The following GRIN2D variants were observed in gnomAD, a reference collection of about 807,000 sequenced individuals.
GRIN2D encodes glutamate receptor ionotropic, NMDA 2D.
A neutral mutation model predicts 103.2 loss-of-function variants in GRIN2D; 37 were observed. That is an observed-to-expected ratio of 0.36 (90% CI 0.28 to 0.47). The LOEUF is 0.47. Among genes scored for constraint, GRIN2D ranks in the 20% least tolerant of loss-of-function variants. GRIN2D has a pLI of 1.00. For synonymous variants in GRIN2D, 845 were observed against 885.6 expected (o/e 0.95, Z 0.81); for missense variants, 1,557 against 1,910.6 (o/e 0.81, Z 3.45).
chr19:48,442,172 G>T lies in GRIN2D; in HGVS notation c.2463G>T (p.Arg821=), dbSNP rs752674141. ...LGDDEIEMLE[R]LWLSGICHND... is the part of the protein sequence containing the mutation. ...TAGATGAGATCGAGATGCTGGAGCG[G>T]CTGTGGCTCTCTGGGATCTGCCACA... is the stretch of plus-strand genomic sequence containing the variant. The change falls in exon 13 of 14, where the codon CGG becomes CGT. Residue 821 remains arginine, a synonymous_variant. Coordinates refer to ENST00000263269, the MANE Select transcript of GRIN2D (RefSeq NM_000836.4). The surrounding 1 kb of genome is among the most constrained non-coding windows in gnomAD (Gnocchi z 7.2). 1.2e-6 allele frequency: 2 copies of T among 1,614,134 alleles called. No homozygotes were observed. The highest frequency in any genetic ancestry group is 3.3e-5 in the Admixed American group (2 of 60,030).
rs1449186193 is a variant in GRIN2D at position 48,444,885 on chromosome 19, T to C, written c.*948T>C. On this transcript the variant is annotated 3_prime_UTR_variant, in exon 14 of 14. Transcript: ENST00000263269. The surrounding 1 kb of genome is among the most constrained non-coding windows in gnomAD (Gnocchi z 5.5). ...ACCAACTTCCCTTCCCACTCTCTTA[T>C]TCCACATTGCAGTGTTTGGAATAAA... is the stretch of plus-strand genomic sequence containing the variant. 4.6e-5 allele frequency: 7 copies of C among 152,298 alleles called. No individual in the cohort carries two copies. The highest frequency in any genetic ancestry group is 8.8e-5 in the Non-Finnish European group (6 of 68,120). The allele number at this position is 152,298 out of a possible 1,614,324, so 9.4% of individuals were successfully genotyped here.
chr19:48,424,944 T>TCC (rs1156720286), intron 11 of GRIN2D, among the ~76,000 whole-genome samples: 1 of 151,758 alleles, frequency 6.6e-6, no homozygotes, highest in African/African-American at 2.4e-5. Context: ...GACTCATCTC[T>TCC]CCCCCTTCCC....
intron 11 of GRIN2D, among the ~76,000 whole-genome samples, chr19:48,433,546 TA>T (rs1258387019): frequency 5.3e-5 from 8 of 152,182 alleles, no homozygotes; most frequent in Non-Finnish European, 1.5e-5. Flanking sequence ...GGGCTCACCC[TA>T]CCGCTTCCGG....
At chr19:48,430,261 G>A (rs993857995) in intron 11 of GRIN2D, among the ~76,000 whole-genome samples, 6 of 152,136 alleles carry the variant, frequency 3.9e-5, no homozygotes, top group African/African-American at 1.2e-4. Context: ...GTGCAGTGGC[G>A]TGATCTTGGC....
intron 8 of GRIN2D, among the ~76,000 whole-genome samples, chr19:48,416,443 A>G (rs1970950174): frequency 6.6e-6 from 1 of 152,202 alleles, no homozygotes. Context: ...TTTTGTATTC[A>G]TAAGGTTGAA....
rs370721707 is a variant in GRIN2D at position 48,404,471 on chromosome 19, C to T, written c.466-263C>T. Among the ~76,000 whole-genome samples, 5 of 151,744 alleles carry T rather than the reference C, an allele frequency of 3.3e-5. No individual in the cohort carries two copies. In the South Asian group the frequency reaches 8.3e-4, roughly 25 times the overall value. ...TCATGCCGCTGCTCACCGGCCTGGG[C>T]GACAGAGCAAGATTCTGTCTCAAAA... is the stretch of plus-strand genomic sequence containing the variant. On this transcript the variant is annotated intron_variant, in intron 3 of 13. Coordinates refer to ENST00000263269, the MANE Select transcript of GRIN2D (RefSeq NM_000836.4).
At chr19:48,417,735 C>T (rs1273783636) in intron 8 of GRIN2D, among the ~76,000 whole-genome samples, 1 of 152,156 alleles carries the variant, frequency 6.6e-6, no homozygotes, top group African/African-American at 2.4e-5. Context: ...GCAGAGGTGA[C>T]AGGCGTGTCC....
At position 48,442,791 on chromosome 19, in the gene GRIN2D, G is replaced by T; in HGVS notation, c.2865G>T (p.Ala955=). Residue 955 remains alanine (A), a synonymous_variant, in exon 14 of 14, where the codon GCG becomes GCT. Coordinates refer to ENST00000263269, the MANE Select transcript of GRIN2D (RefSeq NM_000836.4). This position sits in a 1 kb window ranked among gnomAD's most constrained non-coding sequence, Gnocchi z 7.2. The part of the protein sequence containing the change: ...RTKGAGPPGG[A]GLADGFHRYY... ...AGGGCGCGGGGCCGCCGGGGGGCGC[G>T]GGCCTGGCCGACGGCTTCCACCGCT... 9.4e-7 allele frequency: 1 copy of T among 1,069,168 alleles called. No individual in the cohort carries two copies. Among genetic ancestry groups the T allele is most frequent in the Non-Finnish European group, 1.1e-6 (1 of 885,898 alleles). The allele number at this position is 1,069,168 out of a possible 1,614,324, so 66.2% of individuals were successfully genotyped here.
intron 4 of GRIN2D, among the ~76,000 whole-genome samples, chr19:48,412,777 A>G (rs1234677683): frequency 6.6e-6 from 1 of 150,556 alleles, no homozygotes; most frequent in Non-Finnish European, 1.5e-5. Context: ...CAACAAGAGC[A>G]AAACTCTGTC....
intron 11 of GRIN2D, among the ~76,000 whole-genome samples, chr19:48,424,516 C>T (rs796197273): frequency 4.0e-5 from 6 of 148,368 alleles, no homozygotes; most frequent in African/African-American, 7.4e-5. Flanking sequence ...GTGATCCACC[C>T]GCCTCAGCCT....
intron 3 of GRIN2D, among the ~76,000 whole-genome samples, chr19:48,399,331 C>T (rs1203996402): frequency 5.9e-5 from 9 of 152,112 alleles, no homozygotes; most frequent in Non-Finnish European, 2.9e-5. Context: ...TTTGGAAAGC[C>T]GAGGCCGGCG....
At position 48,441,829 on chromosome 19, in the gene GRIN2D, G is replaced by C; in HGVS notation, c.2313G>C (p.Glu771Asp). 6.2e-7 allele frequency: 1 copy of C among 1,614,004 alleles called. No homozygotes were observed. Among genetic ancestry groups the C allele is most frequent in the Non-Finnish European group, 8.5e-7 (1 of 1,180,030 alleles). Residue 771 changes from glutamate (E) to aspartate (D), a missense_variant, in exon 12 of 14, where the codon GAG becomes GAC. By Grantham distance (45) the Glu-to-Asp change is conservative (BLOSUM62 2). This residue lies in a region of GRIN2D where 138 missense variants were observed against 270.2 expected (regional missense o/e 0.51). Coordinates refer to ENST00000263269, the MANE Select transcript of GRIN2D (RefSeq NM_000836.4). ...AVLNYMARKDEGCKLVTIGSG... is the reference protein window; with the variant it reads ...AVLNYMARKDDGCKLVTIGSG... ...TCAATTACATGGCCCGCAAGGACGA[G>C]GGCTGCAAGCTTGTCACCATCGGCT...
intron 11 of GRIN2D, among the ~76,000 whole-genome samples, chr19:48,439,473 C>T (rs1971267252): frequency 6.6e-6 from 1 of 152,130 alleles, no homozygotes; most frequent in Non-Finnish European, 1.5e-5. Context: ...CCCTGGGGGT[C>T]TTGCAGTCTC....
At position 48,443,995 on chromosome 19, in the gene GRIN2D, C is replaced by G; in HGVS notation, c.*58C>G. The G allele has an allele frequency of 8.7e-7, 1 of 1,154,112 alleles. No individual in the cohort carries two copies. Among genetic ancestry groups the G allele is most frequent in the Non-Finnish European group, 1.1e-6 (1 of 881,986 alleles). The allele number at this position is 1,154,112 out of a possible 1,614,324, so 71.5% of individuals were successfully genotyped here. A position where few individuals can be genotyped will look rare whatever the true frequency, so the allele number is the denominator to read the frequency against. On this transcript the variant is annotated 3_prime_UTR_variant, in exon 14 of 14. Transcript: ENST00000263269. This position sits in a 1 kb window ranked among gnomAD's most constrained non-coding sequence, Gnocchi z 8.9. ...CAGCGCAGGCCACGGCCCGAGGGGG[C>G]GCCCGCAGTGGACAGGACCCGCGTG...
chr19:48,433,974 A>C (rs1171500566), intron 11 of GRIN2D, among the ~76,000 whole-genome samples: 2 of 143,298 alleles, frequency 1.4e-5, no homozygotes, highest in African/African-American at 5.3e-5. Context: ...TTTGAGATGG[A>C]GTCTCGCTCT....
rs1158047202 is a variant in GRIN2D at position 48,407,339 on chromosome 19, CTCTT to C, written c.1085+1990_1085+1993del. Among the ~76,000 whole-genome samples, 16 of 152,186 alleles carry C rather than the reference CTCTT, an allele frequency of 1.1e-4. 1 individual carries two copies. In the East Asian group the frequency reaches 2.5e-3, roughly 24 times the overall value. Reference sequence around the variant, plus strand: ...CTGTCCATCTCCTTCCTCTCTCTCTCTCTTTCTCTTTGTTTCTCAGGCTTGCCTC... The same window carrying C: ...CTGTCCATCTCCTTCCTCTCTCTCTCTCTCTTTGTTTCTCAGGCTTGCCTC... On this transcript the variant is annotated intron_variant, in intron 4 of 13. Transcript: ENST00000263269.
intron 11 of GRIN2D, among the ~76,000 whole-genome samples, chr19:48,426,224 C>CTTTTTTTTTTTTTTTTTTT (rs369360320): frequency 1.8e-4 from 22 of 120,112 alleles, no homozygotes; most frequent in African/African-American, 7.2e-4. Context: ...TTCTTTCTTT[C>CTTTTTTTTTTTTTTTTTTT]TTTTTTTTTT....
chr19:48,444,014 C>A lies in GRIN2D; in HGVS notation c.*77C>A. The A allele has an allele frequency of 1.0e-6, 1 of 974,072 alleles. No homozygotes were observed. The highest frequency in any genetic ancestry group is 1.4e-6 in the Non-Finnish European group (1 of 723,336). The allele number at this position is 974,072 out of a possible 1,614,324, so 60.3% of individuals were successfully genotyped here. A position where few individuals can be genotyped will look rare whatever the true frequency, so the allele number is the denominator to read the frequency against. ...AGGGGGCGCCCGCAGTGGACAGGAC[C>A]CGCGTGGGTTGGGAAGGAAAGCAGT... On this transcript the variant is annotated 3_prime_UTR_variant, in exon 14 of 14. Transcript: ENST00000263269. This position sits in a 1 kb window ranked among gnomAD's most constrained non-coding sequence, Gnocchi z 5.5.
At chr19:48,397,499 CAATT>C (rs1970657699) in intron 2 of GRIN2D, among the ~76,000 whole-genome samples, 1 of 151,908 alleles carries the variant, frequency 6.6e-6, no homozygotes, top group Non-Finnish European at 1.5e-5. Context: ...CCCTCAATCT[CAATT>C]GTTTCCCCAT....
Sources: allele counts gnomAD v4.1 joint callset (sites outside exome capture counted in the v4.1 genomes callset), GRCh38; gene constraint gnomAD v4.1.1; regional missense constraint gnomAD v4.1.1; non-coding constraint Gnocchi (gnomAD v3.1); transcripts MANE v1.5; gene names NCBI Gene and HGNC (gene_info 2026-07-23, HGNC 2026-07-21).